CDH23: variants seen among roughly 807,000 people sequenced by gnomAD.
CDH23 encodes cadherin related 23, also known as cadherin-23.
CDH23 carries 189 observed loss-of-function variants against 317.1 expected under a neutral mutation model. The observed-to-expected ratio is 0.60, with a 90% CI of 0.53 to 0.67. The LOEUF is 0.67. CDH23 is among the 30% of genes least tolerant of loss of function. The pLI is 0.00. For synonymous variants in CDH23, 1,839 were observed against 1,876.8 expected (o/e 0.98, Z 0.52); for missense variants, 4,401 against 4,592.4 (o/e 0.96, Z 1.20).
chr10:71,704,105 C>T (rs1445593684), intron 24 of CDH23, among the ~76,000 whole-genome samples: 1 of 152,198 alleles, frequency 6.6e-6, no homozygotes, highest in Admixed American at 6.5e-5. Flanking sequence ...GCCCCCCGTC[C>T]TGGAAAGCAT....
intron 6 of CDH23, among the ~76,000 whole-genome samples, chr10:71,518,039 T>C (rs1854441353): frequency 6.6e-6 from 1 of 152,008 alleles, no homozygotes; most frequent in South Asian, 2.1e-4. Flanking sequence ...GCAGCAGGGC[T>C]TTCTACACAG....
Position 71,610,319 on chromosome 10 carries a change from A to G in CDH23, c.833-5185A>G, listed in dbSNP as rs533958981. Reference sequence around the variant, plus strand: ...TGCCCAGCCCTAGGACTCCCTCTTGAGGAAGAAGCCACTTTGTTGACACTC... The same window carrying G: ...TGCCCAGCCCTAGGACTCCCTCTTGGGGAAGAAGCCACTTTGTTGACACTC... On this transcript the variant is annotated intron_variant, in intron 9 of 69. Transcript: ENST00000224721. 3.3e-5 allele frequency among the ~76,000 whole-genome samples: 5 copies of G among 152,272 alleles called. No homozygotes were observed. In the South Asian group the frequency reaches 1.0e-3, roughly 32 times the overall value.
chr10:71,474,828 A>C (rs1254242656), intron 3 of CDH23, among the ~76,000 whole-genome samples: 1 of 152,244 alleles, frequency 6.6e-6, no homozygotes, highest in East Asian at 1.9e-4. Flanking sequence ...CCCGGCTAGC[A>C]GGCCGAGCCC....
At chr10:71,530,579 G>T (rs1231000423) in intron 6 of CDH23, among the ~76,000 whole-genome samples, 1 of 152,222 alleles carries the variant, frequency 6.6e-6, no homozygotes, top group Non-Finnish European at 1.5e-5. Context: ...TCGAGGTCTT[G>T]CAGGTGAGCA....
intron 28 of CDH23, 28 bp from the exon 29 acceptor site, chr10:71,724,017 A>T (rs1436736063): frequency 9.0e-6 from 14 of 1,553,116 alleles, no homozygotes; most frequent in Non-Finnish European, 1.1e-5. Context: ...GGCATTCAAG[A>T]AGTAACTCGT....
chr10:71,496,224 A>C (rs1265325902), intron 3 of CDH23, among the ~76,000 whole-genome samples: 4 of 152,242 alleles, frequency 2.6e-5, no homozygotes, highest in African/African-American at 9.6e-5. Flanking sequence ...TCTCCAGGTG[A>C]TGCTAATATG....
intron 1 of CDH23, among the ~76,000 whole-genome samples, chr10:71,438,550 T>C (rs7906661): frequency 0.31 from 47,823 of 151,916 alleles, 7,777 homozygotes; most frequent in Middle Eastern, 0.45. Context: ...GGACATGGGC[T>C]GAGAGGGATT....
chr10:71,608,265 G>A (rs1376238926), intron 9 of CDH23, among the ~76,000 whole-genome samples: 2 of 152,232 alleles, frequency 1.3e-5, no homozygotes, highest in Non-Finnish European at 2.9e-5. Context: ...AGGAATGGAA[G>A]CAGATCCCAG....
intron 21 of CDH23, among the ~76,000 whole-genome samples, chr10:71,695,032 G>T (rs1865326857): frequency 6.6e-6 from 1 of 152,204 alleles, no homozygotes; most frequent in Non-Finnish European, 1.5e-5. Flanking sequence ...GTACCTGGTG[G>T]CAGGTGAGCA....
At chr10:71,452,652 C>T (rs568876125) in intron 3 of CDH23, among the ~76,000 whole-genome samples, 2 of 152,266 alleles carry the variant, frequency 1.3e-5, no homozygotes, top group Admixed American at 6.5e-5. Flanking sequence ...CACACTCTAG[C>T]GTGGCTATTT....
chr10:71,808,324 C>T (rs912679880), intron 60 of CDH23, among the ~76,000 whole-genome samples: 1 of 152,142 alleles, frequency 6.6e-6, no homozygotes, highest in Non-Finnish European at 1.5e-5. Context: ...CTGTCCATCC[C>T]TCATTTTATC....
chr10:71,472,184 C>G (rs1158257444), intron 3 of CDH23, among the ~76,000 whole-genome samples: 2 of 152,212 alleles, frequency 1.3e-5, no homozygotes, highest in African/African-American at 4.8e-5. Context: ...TGGCTTCTGC[C>G]TGGGTTTAGC....
intron 38 of CDH23, chr10:71,762,087 A>G: frequency 2.0e-6 from 3 of 1,500,690 alleles, no homozygotes; most frequent in South Asian, 1.3e-5. Flanking sequence ...TGGCAACCCC[A>G]GAGCGGGGAA....
intron 3 of CDH23, among the ~76,000 whole-genome samples, chr10:71,482,974 G>C (rs1479582535): frequency 6.6e-6 from 1 of 152,244 alleles, no homozygotes; most frequent in Non-Finnish European, 1.5e-5. Flanking sequence ...AATTGATCAT[G>C]TGGGTCTTGG....
Position 71,751,977 on chromosome 10 carries a change from C to T in CDH23, c.4845+10056C>T. The T allele has an allele frequency of 8.8e-7, 1 of 1,142,144 alleles. No homozygotes were observed. The highest frequency in any genetic ancestry group is 1.3e-6 in the Non-Finnish European group (1 of 787,858). The allele number at this position is 1,142,144 out of a possible 1,614,324, so 70.8% of individuals were successfully genotyped here. A position where few individuals can be genotyped will look rare whatever the true frequency, so the allele number is the denominator to read the frequency against. On this transcript the variant is annotated intron_variant, in intron 38 of 69. Coordinates refer to ENST00000224721, the MANE Select transcript of CDH23 (RefSeq NM_022124.6). The surrounding 1 kb of genome is among the most constrained non-coding windows in gnomAD (Gnocchi z 4.9). ...CTCACCTACATCCCCATCCCCAAGC[C>T]TCAGCAGCATCTCCAAGCAAGAAGG...
chr10:71,685,222 CTG>C (rs144895262), intron 18 of CDH23, among the ~76,000 whole-genome samples: 32 of 152,328 alleles, frequency 2.1e-4, no homozygotes, highest in African/African-American at 7.7e-4. Flanking sequence ...GGCTGGGATT[CTG>C]TGTGTCCTCC....
At chr10:71,534,056 C>T (rs755787996) in intron 6 of CDH23, among the ~76,000 whole-genome samples, 16 of 152,144 alleles carry the variant, frequency 1.1e-4, no homozygotes, top group Non-Finnish European at 2.4e-4. Flanking sequence ...CCACACATTT[C>T]CTAAGTGTGT....
At chr10:71,722,811 C>T (rs1244015323) in intron 28 of CDH23, among the ~76,000 whole-genome samples, 1 of 152,196 alleles carries the variant, frequency 6.6e-6, no homozygotes, top group Non-Finnish European at 1.5e-5. Flanking sequence ...GAGGCCAGCA[C>T]ACGCTTGGTG....
chr10:71,814,549 C>T (rs1051865867), intron 69 of CDH23, among the ~76,000 whole-genome samples: 3 of 152,182 alleles, frequency 2.0e-5, no homozygotes, highest in South Asian at 2.1e-4. Flanking sequence ...ATCCCACCTA[C>T]GTGGGAGGCT....
Sources: gnomAD v4.1 joint callset for allele counts (sites outside exome capture counted in the v4.1 genomes callset) on GRCh38, gnomAD v4.1.1 for gene constraint, Gnocchi (gnomAD v3.1) non-coding constraint, MANE v1.5 for transcripts, NCBI Gene and HGNC (gene_info 2026-07-23, HGNC 2026-07-21) for gene names.